The following WWOX variants were observed in gnomAD, a reference collection of about 807,000 sequenced individuals.
WWOX encodes the protein WW domain containing oxidoreductase, also known as WW domain-containing oxidoreductase.
A neutral mutation model predicts 46.2 loss-of-function variants in WWOX; 69 were observed. The observed-to-expected ratio is 1.49, with a 90% CI of 1.23 to 1.82. The LOEUF is 1.82. Ranked by LOEUF, WWOX falls within the 40% of genes most tolerant of loss-of-function variation. WWOX has a pLI of 0.00. For missense variants in WWOX, 919 were observed against 542.6 expected, an observed-to-expected ratio of 1.69 and a Z score of -6.89; for synonymous variants, 359 against 202.6, an observed-to-expected ratio of 1.77 and a Z score of -6.56.
intron 8 of WWOX, among the ~76,000 whole-genome samples, chr16:78,927,854 TG>T (rs1469569394): frequency 1.3e-5 from 2 of 152,232 alleles, no homozygotes; most frequent in Non-Finnish European, 2.9e-5. Flanking sequence ...TGTTTATTTT[TG>T]TTTCTAACTG....
chr16:78,116,423 T>A (rs2032793252), intron 4 of WWOX, among the ~76,000 whole-genome samples: 1 of 152,230 alleles, frequency 6.6e-6, no homozygotes, highest in South Asian at 2.1e-4. Flanking sequence ...CAGGTTGCCA[T>A]CCGAGTGGAG....
chr16:78,840,398 T>G (rs953356499), intron 8 of WWOX, among the ~76,000 whole-genome samples: 1 of 152,266 alleles, frequency 6.6e-6, no homozygotes, highest in East Asian at 1.9e-4. Flanking sequence ...ACAAATTCAG[T>G]AGGCCCACAG....
chr16:78,715,713 G>A (rs4888830), intron 8 of WWOX, among the ~76,000 whole-genome samples: 56,732 of 152,006 alleles, frequency 0.37, 10,808 homozygotes, highest in African/African-American at 0.43. Context: ...CTGACTTCAG[G>A]TGGTCTATCC....
intron 5 of WWOX, among the ~76,000 whole-genome samples, chr16:78,194,258 G>A (rs1415888143): frequency 1.3e-5 from 2 of 152,022 alleles, no homozygotes; most frequent in African/African-American, 4.8e-5. Flanking sequence ...GGAACTGCTT[G>A]GTAGGTGATA....
chr16:79,011,506 T>TATTTA (rs1555511501), intron 8 of WWOX, among the ~76,000 whole-genome samples: 1 of 143,852 alleles, frequency 7.0e-6, no homozygotes, highest in Non-Finnish European at 1.5e-5. Flanking sequence ...TTTATTTATT[T>TATTTA]TTTGAGACAG....
At chr16:79,178,681 T>C (rs1284518982) in intron 8 of WWOX, among the ~76,000 whole-genome samples, 2 of 152,316 alleles carry the variant, frequency 1.3e-5, no homozygotes, top group South Asian at 2.1e-4. Context: ...TAGTCCATTT[T>C]TAAGTAGCTC....
At chr16:78,446,511 A>G (rs2083564061) in intron 8 of WWOX, among the ~76,000 whole-genome samples, 1 of 152,142 alleles carries the variant, frequency 6.6e-6, no homozygotes, top group African/African-American at 2.4e-5. Context: ...AATGCCAGCA[A>G]GTGTTAGATT....
chr16:79,182,693 T>G (rs929634018), intron 8 of WWOX, among the ~76,000 whole-genome samples: 3 of 152,242 alleles, frequency 2.0e-5, no homozygotes, highest in Non-Finnish European at 4.4e-5. Flanking sequence ...ATTAACCTCT[T>G]TATGCCTTTA....
chr16:78,949,956 A>G (rs949798267), intron 8 of WWOX, among the ~76,000 whole-genome samples: 3 of 152,304 alleles, frequency 2.0e-5, no homozygotes, highest in South Asian at 4.1e-4. Context: ...AGCACTTTTC[A>G]TGCATTATTT....
chr16:78,468,799 G>C (rs1309802829), intron 8 of WWOX, among the ~76,000 whole-genome samples: 2 of 152,152 alleles, frequency 1.3e-5, no homozygotes, highest in African/African-American at 4.8e-5. Context: ...TCTATATTCT[G>C]ATTTCAGCAA....
At chr16:78,235,185 A>G (rs1411378309) in intron 5 of WWOX, among the ~76,000 whole-genome samples, 2 of 152,250 alleles carry the variant, frequency 1.3e-5, no homozygotes, top group East Asian at 3.8e-4. Context: ...ATTAGTAGGA[A>G]GGGGCCTTGC....
intron 5 of WWOX, among the ~76,000 whole-genome samples, chr16:78,183,647 C>A (rs1433746978): frequency 6.6e-6 from 1 of 152,120 alleles, no homozygotes; most frequent in African/African-American, 2.4e-5. Flanking sequence ...CTCAGTAACA[C>A]CTGCCAAGTA....
intron 8 of WWOX, among the ~76,000 whole-genome samples, chr16:78,441,852 A>T (rs1215202207): frequency 6.6e-6 from 1 of 152,046 alleles, no homozygotes; most frequent in East Asian, 1.9e-4. Context: ...AATGTTCAGC[A>T]TTCAGAATAT....
intron 8 of WWOX, among the ~76,000 whole-genome samples, chr16:78,603,952 G>C (rs994606493): frequency 4.6e-5 from 7 of 151,792 alleles, no homozygotes; most frequent in Non-Finnish European, 1.0e-4. Flanking sequence ...GATCAGCCTG[G>C]GTAACATAGG....
rs148675659 is a variant in WWOX at position 78,972,113 on chromosome 16, T to G, written c.1057-239495T>G. 7.2e-5 allele frequency among the ~76,000 whole-genome samples: 11 copies of G among 152,290 alleles called. No homozygotes were observed. The East Asian group carries it at 2.1e-3, about 29-fold the overall frequency. On this transcript the variant is annotated intron_variant, in intron 8 of 8. Coordinates refer to ENST00000566780, the MANE Select transcript of WWOX (RefSeq NM_016373.4). Reference sequence around the variant, plus strand: ...CCAGACCTCTCAGGAAAGAGCAGGCTGTCGTCCTGCATTGGAGGAGGAAGC... The same window carrying G: ...CCAGACCTCTCAGGAAAGAGCAGGCGGTCGTCCTGCATTGGAGGAGGAAGC...
intron 8 of WWOX, among the ~76,000 whole-genome samples, chr16:79,010,251 G>T (rs889254597): frequency 1.3e-5 from 2 of 152,214 alleles, no homozygotes; most frequent in African/African-American, 2.4e-5. Context: ...AGAGTGAGGA[G>T]CTGGGGACTC....
chr16:78,389,306 C>T (rs1454933513), intron 6 of WWOX, among the ~76,000 whole-genome samples: 1 of 152,318 alleles, frequency 6.6e-6, no homozygotes, highest in East Asian at 1.9e-4. Flanking sequence ...CTTCACTTCA[C>T]ACACATTTCA....
chr16:78,495,512 T>A (rs372600457), intron 8 of WWOX, among the ~76,000 whole-genome samples: 2 of 141,508 alleles, frequency 1.4e-5, no homozygotes, highest in East Asian at 2.0e-4. Flanking sequence ...AAAATGGTCT[T>A]TTTTTTTTTT....
At chr16:78,815,463 C>G (rs919172778) in intron 8 of WWOX, among the ~76,000 whole-genome samples, 6 of 152,154 alleles carry the variant, frequency 3.9e-5, no homozygotes, top group Non-Finnish European at 8.8e-5. Context: ...CAAACAGTGC[C>G]TTTACTAAAC....
Sources: gnomAD v4.1 joint callset for allele counts (sites outside exome capture counted in the v4.1 genomes callset) on GRCh38, gnomAD v4.1.1 for gene constraint, MANE v1.5 for transcripts, NCBI Gene and HGNC (gene_info 2026-07-23, HGNC 2026-07-21) for gene names.